Variants in DHX35 observed in about 807,000 individuals in gnomAD.
The protein encoded by DHX35 is probable ATP-dependent RNA helicase DHX35.
Under a neutral mutation model 99.6 loss-of-function variants are expected in DHX35, and 84 were observed. That is an observed-to-expected ratio of 0.84 (90% CI 0.71 to 1.01). The LOEUF (loss-of-function observed/expected upper bound fraction) is 1.01. Ranked by LOEUF, DHX35 falls within the 50% of genes least tolerant of loss-of-function variation. DHX35 has a pLI of 0.00. For missense variants in DHX35, 852 were observed against 888.5 expected (o/e 0.96, Z 0.52); for synonymous variants, 331 against 316.2 (o/e 1.05, Z -0.50).
intron 15 of DHX35, among the ~76,000 whole-genome samples, chr20:39,019,767 G>A (rs943608747): frequency 6.6e-6 from 1 of 151,980 alleles, no homozygotes; most frequent in African/African-American, 2.4e-5. Flanking sequence ...TGAAATATAC[G>A]ATACATTATT....
chr20:39,017,027 CA>C (rs570843987), intron 14 of DHX35, among the ~76,000 whole-genome samples: 1 of 152,168 alleles, frequency 6.6e-6, no homozygotes, highest in Admixed American at 6.5e-5. Flanking sequence ...GTTTGCAGTA[CA>C]AAAATTTTAA....
rs549854740 is a variant in DHX35, at chr20:38,992,380, C to T, written c.537C>T (p.His179=). ...GTGTCATCATGCTGGATGAAGCCCA[C>T]GAGAGGACCTTGTACACTGACATTG... ...KYSVIMLDEA[H]ERTLYTDIAI... Residue 179 remains histidine (H), a synonymous_variant, in exon 7 of 22, where the codon CAC becomes CAT. Transcript: ENST00000252011. 6.2e-6 allele frequency: 10 copies of T among 1,614,026 alleles called. No homozygotes were observed. In the South Asian group the frequency reaches 9.9e-5, roughly 16 times the overall value.
chr20:38,978,971 T>A lies in DHX35; in HGVS notation c.268-4728T>A, dbSNP rs116220630. 4.6e-3 allele frequency among the ~76,000 whole-genome samples: 701 copies of A among 152,354 alleles called. 8 individuals carry two copies. Among genetic ancestry groups the A allele is most frequent in the African/African-American group, 0.016 (676 of 41,584 alleles). On this transcript the variant is annotated intron_variant, in intron 3 of 21. Transcript: ENST00000252011. The stretch of plus-strand genomic sequence containing the variant: ...ATTGTCCTTTCCCTAAGATGTGTTC[T>A]TGGTGCTTTTGTTGAAAATCACTTG...
chr20:39,033,484 C>G (rs1220672183), intron 20 of DHX35, among the ~76,000 whole-genome samples: 3 of 152,126 alleles, frequency 2.0e-5, no homozygotes, highest in East Asian at 3.9e-4. Flanking sequence ...GCAGGGGGGG[C>G]CCTTCTTTTT....
intron 21 of DHX35, among the ~76,000 whole-genome samples, 166 bp downstream of exon 21, chr20:39,034,483 A>G (rs1444865149): frequency 2.6e-5 from 4 of 152,212 alleles, no homozygotes; most frequent in Non-Finnish European, 4.4e-5. Context: ...AAAGCACTCT[A>G]GCGTTTAATT....
chr20:38,968,791 A>G lies in DHX35; in HGVS notation c.41-290A>G, dbSNP rs188566197. 1.2e-3 allele frequency among the ~76,000 whole-genome samples: 183 copies of G among 152,292 alleles called. 1 individual carries two copies. The Middle Eastern group carries it at 0.017, about 14-fold the overall frequency. ...GGTCTCTAACCCCTGAGCTCAGGCA[A>G]TCCGCCCGCCTCGGCCTCCCAAAGT... On this transcript the variant is annotated intron_variant, in intron 1 of 21. Transcript: ENST00000252011.
intron 14 of DHX35, 92 bp from the exon 15 acceptor site, chr20:39,018,712 T>A: frequency 8.0e-7 from 1 of 1,245,046 alleles, no homozygotes; most frequent in Non-Finnish European, 1.2e-6. Flanking sequence ...TTCTTCTTTT[T>A]AGCATACATT....
intron 14 of DHX35, among the ~76,000 whole-genome samples, chr20:39,015,484 T>C (rs752857805): frequency 2.0e-5 from 3 of 150,954 alleles, no homozygotes; most frequent in South Asian, 2.1e-4. Flanking sequence ...AAACCCGCAA[T>C]TGCTTTTGTC....
intron 16 of DHX35, among the ~76,000 whole-genome samples, chr20:39,023,430 G>A (rs1036031715): frequency 6.6e-6 from 1 of 152,050 alleles, no homozygotes; most frequent in African/African-American, 2.4e-5. Context: ...GCGCAGTGGT[G>A]CAAACATGGC....
intron 3 of DHX35, among the ~76,000 whole-genome samples, chr20:38,983,029 G>A (rs2086197444): frequency 6.6e-6 from 1 of 151,372 alleles, no homozygotes; most frequent in African/African-American, 2.4e-5. Context: ...AGGTTCAAGC[G>A]ATTCTCCTGC....
chr20:38,982,432 C>G (rs571176597), intron 3 of DHX35, among the ~76,000 whole-genome samples: 7 of 152,204 alleles, frequency 4.6e-5, no homozygotes, highest in African/African-American at 1.7e-4. Flanking sequence ...TTATGTTATT[C>G]ATTTGTAGTA....
chr20:39,016,193 C>A (rs2086783341), intron 14 of DHX35, among the ~76,000 whole-genome samples: 1 of 152,090 alleles, frequency 6.6e-6, no homozygotes, highest in African/African-American at 2.4e-5. Flanking sequence ...AGAGAGGAAG[C>A]CAGGAAGAGA....
Position 38,972,656 on chromosome 20 carries a change from G to A in DHX35, c.267+5G>A. The A allele has an allele frequency of 6.3e-7, 1 of 1,598,824 alleles. No homozygotes were observed. The highest frequency in any genetic ancestry group is 8.6e-7 in the Non-Finnish European group (1 of 1,167,114). The stretch of plus-strand genomic sequence containing the variant: ...AAGAGCACACAGATTCCTCAGGTGA[G>A]TACATATTTAATAAGTGTCTTTACA... On this transcript the variant is annotated splice_donor_5th_base_variant and intron_variant, in intron 3 of 21. Transcript: ENST00000252011.
At chr20:39,016,129 C>G (rs892561539) in intron 14 of DHX35, among the ~76,000 whole-genome samples, 1 of 152,186 alleles carries the variant, frequency 6.6e-6, no homozygotes, top group African/African-American at 2.4e-5. Context: ...CAGCCTGCTT[C>G]CACTCAAGGT....
intron 20 of DHX35, 102 bp downstream of exon 20, chr20:39,030,877 T>C (rs2087038602): frequency 3.0e-6 from 4 of 1,350,588 alleles, no homozygotes; most frequent in South Asian, 1.2e-5. Flanking sequence ...GAATTGCTGC[T>C]CTGGGCCGGG....
Sources: allele counts gnomAD v4.1 joint callset (sites outside exome capture counted in the v4.1 genomes callset), GRCh38; gene constraint gnomAD v4.1.1; transcripts MANE v1.5; gene names NCBI Gene and HGNC (gene_info 2026-07-23, HGNC 2026-07-21).